The following TMEM229B variants were observed in gnomAD, a reference collection of about 807,000 sequenced individuals.
TMEM229B encodes the protein chromosome 14 open reading frame 83.
Under a neutral mutation model 13.7 loss-of-function variants are expected in TMEM229B, and 6 were observed. The ratio of observed to expected loss-of-function variants is 0.44; its 90% CI spans 0.24 to 0.86. The LOEUF is 0.86. Among genes scored for constraint, TMEM229B ranks in the 40% least tolerant of loss-of-function variants. The pLI is 0.23. For synonymous variants in TMEM229B, 107 were observed against 102.1 expected (o/e 1.05, Z -0.29); for missense variants, 170 against 236.0 (o/e 0.72, Z 1.83).
upstream of TMEM229B, among the ~76,000 whole-genome samples, chr14:67,518,689 T>A (rs2033244472): frequency 6.6e-6 from 1 of 152,230 alleles, no homozygotes; most frequent in South Asian, 2.1e-4. Flanking sequence ...ATAAAGGGTT[T>A]GCTCTTGTCC....
chr14:67,509,810 C>A (rs1443093627), intron 1 of TMEM229B, among the ~76,000 whole-genome samples: 1 of 151,838 alleles, frequency 6.6e-6, no homozygotes, highest in Non-Finnish European at 1.5e-5. Context: ...AGTTTGAGAC[C>A]AGCCTGTGCA....
chr14:67,505,759 T>G (rs2032801997), intron 1 of TMEM229B, among the ~76,000 whole-genome samples: 1 of 152,006 alleles, frequency 6.6e-6, no homozygotes, highest in Admixed American at 6.6e-5. Flanking sequence ...CAGGCTGGTA[T>G]GCAGTGGTGC....
At chr14:67,488,888 T>C (rs556023674), upstream of TMEM229B, among the ~76,000 whole-genome samples, 80 of 152,322 alleles carry the variant, frequency 5.3e-4, no homozygotes, top group African/African-American at 1.8e-3. Flanking sequence ...ACCTCCCACT[T>C]CCTGGTCTGC....
At chr14:67,526,813 G>C (rs2033373964) in intron 1 of TMEM229B, among the ~76,000 whole-genome samples, 1 of 152,020 alleles carries the variant, frequency 6.6e-6, no homozygotes, top group South Asian at 2.1e-4. Flanking sequence ...GTCATGTCCA[G>C]GGCTTCCATA....
At chr14:67,531,173 T>C (rs188704921) in intron 1 of TMEM229B, among the ~76,000 whole-genome samples, 23 of 152,262 alleles carry the variant, frequency 1.5e-4, no homozygotes, top group Admixed American at 6.5e-5. Flanking sequence ...CCCAGCTACC[T>C]GGGAGGCTGA....
At chr14:67,530,450 C>T (rs1178799071) in intron 1 of TMEM229B, among the ~76,000 whole-genome samples, 2 of 152,196 alleles carry the variant, frequency 1.3e-5, no homozygotes, top group African/African-American at 2.4e-5. Flanking sequence ...GACTAAGATG[C>T]TGTAATATTG....
At chr14:67,520,098 T>G (rs1270435519), upstream of TMEM229B, among the ~76,000 whole-genome samples, 1 of 152,198 alleles carries the variant, frequency 6.6e-6, no homozygotes, top group East Asian at 1.9e-4. Context: ...CCATAGCTCC[T>G]GCCTCCACAC....
At chr14:67,499,003 A>ATTTATTTATTTATTAG (rs371338853) in intron 1 of TMEM229B, among the ~76,000 whole-genome samples, 1 of 145,040 alleles carries the variant, frequency 6.9e-6, no homozygotes, top group East Asian at 2.1e-4. Context: ...TTATTTATTT[A>ATTTATTTATTTATTAG]TTAGTTATTT....
Position 67,473,565 on chromosome 14 carries a change from T to C in TMEM229B, c.359A>G (p.Tyr120Cys). ...FDFMGLITLE[Y>C]AVPWFCGALI... ...GGCCCCGCAGAACCAGGGCACGGCG[T>C]ACTCCAGGGTGATGAGGCCCATGAA... The change falls in exon 3 of 3, where the codon TAC (tyrosine) becomes TGC (cysteine). Residue 120 changes from tyrosine to cysteine, a missense_variant. Physicochemically the swap from Tyr to Cys is radical, Grantham distance 194. Around this residue, in one of 4 missense-constraint regions of TMEM229B, gnomAD observed 7 missense variants for 24.5 expected, o/e 0.29. Transcript: ENST00000554480. The surrounding 1 kb of genome is among the most constrained non-coding windows in gnomAD (Gnocchi z 6.5). 6.2e-7 allele frequency: 1 copy of C among 1,613,212 alleles called. No individual in the cohort carries two copies. The highest frequency in any genetic ancestry group is 8.5e-7 in the Non-Finnish European group (1 of 1,179,594).
intron 1 of TMEM229B, among the ~76,000 whole-genome samples, chr14:67,526,972 C>T (rs2033377231): frequency 6.6e-6 from 1 of 152,176 alleles, no homozygotes; most frequent in African/African-American, 2.4e-5. Context: ...GATAATAGAC[C>T]TATTGGTTCA....
Position 67,484,646 on chromosome 14 carries a change from G to A in TMEM229B, c.-19+2354C>T, listed in dbSNP as rs936277502. 5.3e-5 allele frequency among the ~76,000 whole-genome samples: 8 copies of A among 152,190 alleles called. No homozygotes were observed. The East Asian group carries it at 5.8e-4, about 11-fold the overall frequency. On this transcript the variant is annotated intron_variant, in intron 2 of 2. Coordinates refer to ENST00000554480, the MANE Select transcript of TMEM229B (RefSeq NM_001348543.2). ...ATCATAGAAGAAGCATTCATAGGCC[G>A]GGCATGGGGGCTCACACCTGTAATC...
intron 1 of TMEM229B, among the ~76,000 whole-genome samples, chr14:67,526,546 C>T (rs1481282845): frequency 6.6e-6 from 1 of 152,254 alleles, no homozygotes; most frequent in Non-Finnish European, 1.5e-5. Context: ...TTCTAGCCCC[C>T]TTCCCTGAAA....
At chr14:67,506,285 C>T (rs915418764) in intron 1 of TMEM229B, among the ~76,000 whole-genome samples, 19 of 152,048 alleles carry the variant, frequency 1.2e-4, no homozygotes, top group African/African-American at 3.9e-4. Flanking sequence ...ATCACAGAAC[C>T]GTCTCCTATG....
chr14:67,474,914 C>CTTTTTTT lies in TMEM229B; in HGVS notation c.-18-980_-18-974dup, dbSNP rs71129825. On this transcript the variant is annotated intron_variant, in intron 2 of 2. Coordinates refer to ENST00000554480, the MANE Select transcript of TMEM229B (RefSeq NM_001348543.2). ...TTGCAGCACATGTCAGAATTTCCTT[C>CTTTTTTT]TTTTTTTTTTTTTTTTTTTGTGACG... 1.8e-4 allele frequency among the ~76,000 whole-genome samples: 22 copies of CTTTTTTT among 124,930 alleles called. 1 individual carries two copies. Among genetic ancestry groups the CTTTTTTT allele is most frequent in the African/African-American group, 5.6e-4 (18 of 31,980 alleles). The allele number at this position is 124,930 out of a possible 152,430, so 82.0% of individuals were successfully genotyped here.
At chr14:67,480,195 G>A (rs17104366) in intron 2 of TMEM229B, among the ~76,000 whole-genome samples, 12,446 of 152,080 alleles carry the variant, frequency 0.082, 572 homozygotes, top group Middle Eastern at 0.12. Context: ...CTTTTACACC[G>A]CCTCTTACCC....
chr14:67,525,502 T>A (rs57751399), intron 1 of TMEM229B, among the ~76,000 whole-genome samples: 1 of 152,216 alleles, frequency 6.6e-6, no homozygotes, highest in East Asian at 1.9e-4. Context: ...CTATAAATAT[T>A]AGGGGCACCC....
intron 1 of TMEM229B, among the ~76,000 whole-genome samples, chr14:67,529,516 A>G (rs2033414551): frequency 6.6e-6 from 1 of 152,210 alleles, no homozygotes; most frequent in African/African-American, 2.4e-5. Flanking sequence ...AAGTTAGGAC[A>G]CTTCCTCCCA....
chr14:67,490,734 G>A (rs2032136513), upstream of TMEM229B, among the ~76,000 whole-genome samples: 1 of 151,988 alleles, frequency 6.6e-6, no homozygotes, highest in South Asian at 2.1e-4. Flanking sequence ...ACCTAACACT[G>A]GAGCCAGAAA....
chr14:67,508,069 T>C (rs1594712146), intron 1 of TMEM229B, among the ~76,000 whole-genome samples: 1 of 144,358 alleles, frequency 6.9e-6, no homozygotes, highest in African/African-American at 2.6e-5. Flanking sequence ...ACCCGGGAGG[T>C]GGAGTTTGCT....
Sources: allele counts gnomAD v4.1 joint callset (sites outside exome capture counted in the v4.1 genomes callset), GRCh38; gene constraint gnomAD v4.1.1; regional missense constraint gnomAD v4.1.1; non-coding constraint Gnocchi (gnomAD v3.1); transcripts MANE v1.5; gene names NCBI Gene and HGNC (gene_info 2026-07-23, HGNC 2026-07-21).